Variants in CEP112 observed in about 807,000 individuals in gnomAD.
CEP112 encodes centrosomal protein 112.
A neutral mutation model predicts 153.0 loss-of-function variants in CEP112; 127 were observed. That is an observed-to-expected ratio of 0.83 (90% CI 0.72 to 0.96). CEP112 has a LOEUF of 0.96. CEP112 is among the 40% of genes least tolerant of loss of function. The probability of loss-of-function intolerance (pLI) is 0.00; values close to 1 mark genes in which losing one functional copy is unlikely to be tolerated. For synonymous variants in CEP112, 358 were observed against 374.4 expected (o/e 0.96, Z 0.51); for missense variants, 1,089 against 1,101.2 (o/e 0.99, Z 0.16).
chr17:66,056,638 T>A (rs940231691), intron 11 of CEP112, among the ~76,000 whole-genome samples: 5 of 152,172 alleles, frequency 3.3e-5, no homozygotes, highest in African/African-American at 1.2e-4. Flanking sequence ...AGTCACAAAA[T>A]GCCACATATT....
intron 21 of CEP112, among the ~76,000 whole-genome samples, chr17:65,782,607 G>A (rs2054059776): frequency 6.6e-6 from 1 of 152,170 alleles, no homozygotes; most frequent in African/African-American, 2.4e-5. Context: ...CATCAATGGT[G>A]TATTGCATAA....
At chr17:66,185,110 G>T (rs1408817302) in intron 1 of CEP112, among the ~76,000 whole-genome samples, 1 of 152,176 alleles carries the variant, frequency 6.6e-6, no homozygotes, top group Non-Finnish European at 1.5e-5. Flanking sequence ...ATGGCACAAA[G>T]AAACGATTTG....
intron 4 of CEP112, among the ~76,000 whole-genome samples, chr17:66,151,273 G>A (rs2146683523): frequency 6.6e-6 from 1 of 152,046 alleles, no homozygotes; most frequent in South Asian, 2.1e-4. Flanking sequence ...TTCCTTCCCT[G>A]CCTTATTTTA....
intron 3 of CEP112, 72 bp downstream of exon 3, chr17:66,176,758 C>A: frequency 8.4e-7 from 1 of 1,187,562 alleles, no homozygotes; most frequent in South Asian, 1.6e-5. Flanking sequence ...ATTACCATTC[C>A]CCAAAGGGAT....
chr17:65,660,456 C>T (rs1389344065), intron 24 of CEP112, among the ~76,000 whole-genome samples: 1 of 63,232 alleles, frequency 1.6e-5, no homozygotes, highest in Non-Finnish European at 2.7e-5. Context: ...TCTCTCTTCT[C>T]TCTCTCCTTC....
chr17:66,048,936 T>C (rs780024443), intron 12 of CEP112, among the ~76,000 whole-genome samples: 48 of 152,176 alleles, frequency 3.2e-4, no homozygotes, highest in Non-Finnish European at 5.4e-4. Flanking sequence ...AAAAGACTTA[T>C]ACATTTGACT....
chr17:65,971,656 A>G (rs1009048044), intron 17 of CEP112, among the ~76,000 whole-genome samples: 5 of 122,284 alleles, frequency 4.1e-5, no homozygotes, highest in African/African-American at 7.9e-5. Flanking sequence ...CATGCATGTC[A>G]CATGCATGTA....
Position 65,637,195 on chromosome 17 carries a change from A to AAGACAC in CEP112, c.2800-13_2800-8dup, listed in dbSNP as rs1472839686. The AAGACAC allele has an allele frequency of 6.2e-7, 1 of 1,610,712 alleles. No homozygotes were observed. Among genetic ancestry groups the AAGACAC allele is most frequent in the Non-Finnish European group, 8.5e-7 (1 of 1,177,050 alleles). On this transcript the variant is annotated splice_polypyrimidine_tract_variant and splice_region_variant and intron_variant, in intron 25 of 26. Coordinates refer to ENST00000535342, the MANE Select transcript of CEP112 (RefSeq NM_001199165.4). ...TCTTTTGCAGAAAATTAACCTAGAAAAGACACCTTGTGTGAGAAGAGGTGG... is the reference window on the plus strand; with the variant it reads ...TCTTTTGCAGAAAATTAACCTAGAAAAGACACAGACACCTTGTGTGAGAAGAGGTGG...
intron 23 of CEP112, among the ~76,000 whole-genome samples, chr17:65,705,166 G>T (rs2048851894): frequency 6.6e-6 from 1 of 152,166 alleles, no homozygotes; most frequent in East Asian, 1.9e-4. Flanking sequence ...TGGACCTAGG[G>T]ATAATGCAAG....
chr17:65,940,709 A>T (rs1309135374), intron 18 of CEP112, among the ~76,000 whole-genome samples: 1 of 152,174 alleles, frequency 6.6e-6, no homozygotes, highest in African/African-American at 2.4e-5. Context: ...TAGAGAGTAC[A>T]ATGGTAGTTA....
chr17:65,639,322 CAAAGTACTTGATACA>C (rs2044964612), intron 25 of CEP112, among the ~76,000 whole-genome samples: 2 of 151,994 alleles, frequency 1.3e-5, no homozygotes, highest in Non-Finnish European at 2.9e-5. Flanking sequence ...ATGTGCCAGG[CAAAGTACTTGATACA>C]GGGAGTAAAT....
At chr17:66,065,907 G>T (rs2067099202) in intron 10 of CEP112, among the ~76,000 whole-genome samples, 1 of 152,126 alleles carries the variant, frequency 6.6e-6, no homozygotes, top group Non-Finnish European at 1.5e-5. Context: ...GGGATTACAG[G>T]CGTAAGCCAC....
At chr17:66,038,922 G>C (rs996228320) in intron 12 of CEP112, among the ~76,000 whole-genome samples, 1 of 152,156 alleles carries the variant, frequency 6.6e-6, no homozygotes, top group East Asian at 1.9e-4. Context: ...CAGGTTACTG[G>C]AAGAGTCAGG....
chr17:65,755,312 T>C (rs1419330118), intron 21 of CEP112, among the ~76,000 whole-genome samples: 1 of 148,952 alleles, frequency 6.7e-6, no homozygotes, highest in Non-Finnish European at 1.5e-5. Context: ...GGAGAGGTAA[T>C]ACACACTTTC....
chr17:65,801,806 C>A (rs1160326086), intron 21 of CEP112, among the ~76,000 whole-genome samples: 3 of 152,114 alleles, frequency 2.0e-5, no homozygotes, highest in Admixed American at 6.5e-5. Context: ...TATTTAAAGT[C>A]TTTGTCTATT....
chr17:66,121,358 A>G (rs1319019579), intron 6 of CEP112, among the ~76,000 whole-genome samples: 2 of 152,168 alleles, frequency 1.3e-5, no homozygotes, highest in Non-Finnish European at 2.9e-5. Context: ...TTAAACTTGA[A>G]GTGCATTGAG....
At chr17:65,948,650 T>C (rs1189327856) in intron 18 of CEP112, among the ~76,000 whole-genome samples, 6 of 152,106 alleles carry the variant, frequency 3.9e-5, no homozygotes, top group Admixed American at 1.3e-4. Flanking sequence ...ATGTACATTT[T>C]ACACAGTTAG....
rs9904161 is a variant in CEP112 at position 65,819,716 on chromosome 17, C to T, written c.2394+32088G>A. Among the ~76,000 whole-genome samples the T allele has an allele frequency of 6.3e-3, 962 of 152,076 alleles. 10 individuals are homozygous for T. The highest frequency in any genetic ancestry group is 0.022 in the African/African-American group (912 of 41,536). On this transcript the variant is annotated intron_variant, in intron 21 of 26. Transcript: ENST00000535342. ...TATTCTTGCCAGAAATGCATAACCT[C>T]AATCTAATCATAAACAAAGTGAGAA... is the stretch of plus-strand genomic sequence containing the variant.
intron 18 of CEP112, among the ~76,000 whole-genome samples, chr17:65,932,000 T>C (rs2061142432): frequency 6.6e-6 from 1 of 152,098 alleles, no homozygotes; most frequent in Admixed American, 6.5e-5. Flanking sequence ...ATTTCAAACA[T>C]GAGTACCACC....
Sources: allele counts gnomAD v4.1 joint callset (sites outside exome capture counted in the v4.1 genomes callset), GRCh38; gene constraint gnomAD v4.1.1; transcripts MANE v1.5; gene names NCBI Gene and HGNC (gene_info 2026-07-23, HGNC 2026-07-21).